Variants in COL14A1 observed in about 807,000 individuals in gnomAD.
COL14A1 encodes the protein collagen alpha-1(XIV) chain.
A neutral mutation model predicts 230.3 loss-of-function variants in COL14A1; 136 were observed. The observed-to-expected ratio is 0.59, with a 90% CI of 0.51 to 0.68. The LOEUF is 0.68. Among genes scored for constraint, COL14A1 ranks in the 30% least tolerant of loss-of-function variants. The probability of loss-of-function intolerance (pLI) is 0.00; values close to 1 mark genes in which losing one functional copy is unlikely to be tolerated. For synonymous variants in COL14A1, 792 were observed against 784.1 expected, an observed-to-expected ratio of 1.01 and a Z score of -0.17; for missense variants, 1,976 against 2,215.8, an observed-to-expected ratio of 0.89 and a Z score of 2.17.
intron 36 of COL14A1, among the ~76,000 whole-genome samples, chr8:120,308,907 T>G (rs1417680670): frequency 6.6e-6 from 1 of 152,198 alleles, no homozygotes; most frequent in Non-Finnish European, 1.5e-5. Context: ...AGCGAACTCT[T>G]GGCTCACAGA....
chr8:120,360,333 G>C (rs2130363038), intron 45 of COL14A1, among the ~76,000 whole-genome samples: 1 of 152,302 alleles, frequency 6.6e-6, no homozygotes, highest in Admixed American at 6.5e-5. Context: ...TAAGTAGGAG[G>C]TACTGAAGGT....
chr8:120,166,772 A>G (rs1424269407), intron 4 of COL14A1, among the ~76,000 whole-genome samples: 1 of 152,134 alleles, frequency 6.6e-6, no homozygotes, highest in Admixed American at 6.6e-5. Flanking sequence ...TGTTTCGTGA[A>G]TAGTAATAGA....
intron 42 of COL14A1, among the ~76,000 whole-genome samples, chr8:120,336,969 T>C (rs1163302583): frequency 2.6e-5 from 4 of 152,184 alleles, no homozygotes; most frequent in African/African-American, 7.2e-5. Flanking sequence ...ATTTCAACTA[T>C]TGATGTTTGT....
chr8:120,276,660 A>T (rs1216295229), intron 26 of COL14A1, among the ~76,000 whole-genome samples: 1 of 151,756 alleles, frequency 6.6e-6, no homozygotes, highest in Non-Finnish European at 1.5e-5. Flanking sequence ...TTCAAAGGAC[A>T]TGAACTCATC....
At chr8:120,350,790 A>C (rs1236104120) in intron 45 of COL14A1, among the ~76,000 whole-genome samples, 1 of 150,706 alleles carries the variant, frequency 6.6e-6, no homozygotes, top group African/African-American at 2.4e-5. Flanking sequence ...TAATAATGGG[A>C]GACTTTAACA....
intron 36 of COL14A1, among the ~76,000 whole-genome samples, chr8:120,307,381 G>C (rs1012321154): frequency 6.6e-6 from 1 of 152,120 alleles, no homozygotes; most frequent in Admixed American, 6.5e-5. Context: ...ATTCAATAAT[G>C]GTGCTGGGAC....
At chr8:120,353,684 C>T (rs1822859228) in intron 45 of COL14A1, among the ~76,000 whole-genome samples, 1 of 149,894 alleles carries the variant, frequency 6.7e-6, no homozygotes, top group Admixed American at 6.6e-5. Flanking sequence ...ATCAAAACCA[C>T]AATGAGATAC....
intron 1 of COL14A1, among the ~76,000 whole-genome samples, chr8:120,147,212 C>T (rs1194973916): frequency 6.6e-6 from 1 of 151,720 alleles, no homozygotes; most frequent in Middle Eastern, 3.4e-3. Context: ...TCATTGATAT[C>T]CCATTGAAAA....
rs192187598 is a variant in COL14A1, at chr8:120,342,219, A to T, written c.4822-161A>T. Among the ~76,000 whole-genome samples, 406 of 152,252 alleles carry T rather than the reference A, an allele frequency of 2.7e-3. 2 individuals carry two copies. Among genetic ancestry groups the T allele is most frequent in the African/African-American group, 9.4e-3 (390 of 41,536 alleles). On this transcript the variant is annotated intron_variant, in intron 43 of 47. Transcript: ENST00000297848. ...TTGAACCATGAATATCAAATTGCTTACCCCTTCTCTGCATGCACCGTGGTG... is the reference window on the plus strand; with the variant it reads ...TTGAACCATGAATATCAAATTGCTTTCCCCTTCTCTGCATGCACCGTGGTG...
chr8:120,178,437 T>C (rs1329873520), intron 5 of COL14A1, among the ~76,000 whole-genome samples: 1 of 152,242 alleles, frequency 6.6e-6, no homozygotes, highest in East Asian at 1.9e-4. Flanking sequence ...TAGTGTTCCA[T>C]GGTGTATATG....
chr8:120,247,523 G>A, intron 20 of COL14A1, 90 bp from the exon 21 acceptor site: 5 of 1,201,650 alleles, frequency 4.2e-6, no homozygotes, highest in Non-Finnish European at 5.7e-6. Context: ...AATTTTGTGG[G>A]AAGATGTCTT....
At chr8:120,290,623 G>C (rs1349363700) in intron 34 of COL14A1, among the ~76,000 whole-genome samples, 1 of 152,174 alleles carries the variant, frequency 6.6e-6, no homozygotes, top group African/African-American at 2.4e-5. Context: ...AGTTATACAA[G>C]AGCTGGTAGT....
In COL14A1 at chr8:120,312,832, T is replaced by G. The variant is rs566324007; in HGVS notation, c.4456-1100T>G. Reference sequence around the variant, plus strand: ...TCTGTATTCTTTGTCCCATGTAACGTGTTCACCAATCTCAGAGCTAAGATG... The same window carrying G: ...TCTGTATTCTTTGTCCCATGTAACGGGTTCACCAATCTCAGAGCTAAGATG... On this transcript the variant is annotated intron_variant, in intron 37 of 47. Coordinates refer to ENST00000297848, the MANE Select transcript of COL14A1 (RefSeq NM_021110.4). Among the ~76,000 whole-genome samples, 85 of 152,314 alleles carry G rather than the reference T, an allele frequency of 5.6e-4. 1 individual carries two copies. Among genetic ancestry groups the G allele is most frequent in the African/African-American group, 2.0e-3 (85 of 41,574 alleles).
At chr8:120,152,802 C>A in intron 2 of COL14A1, among the ~76,000 whole-genome samples, 1 of 152,054 alleles carries the variant, frequency 6.6e-6, no homozygotes, top group East Asian at 1.9e-4. Flanking sequence ...CTGGTTCTAG[C>A]GATGTTTGTT....
chr8:120,298,158 T>C (rs1360298172), intron 35 of COL14A1, among the ~76,000 whole-genome samples: 1 of 152,008 alleles, frequency 6.6e-6, no homozygotes, highest in East Asian at 1.9e-4. Flanking sequence ...CATAGTACTT[T>C]CCTTTCATCA....
chr8:120,191,324 G>C (rs1816816383), intron 5 of COL14A1, among the ~76,000 whole-genome samples: 1 of 152,180 alleles, frequency 6.6e-6, no homozygotes, highest in Non-Finnish European at 1.5e-5. Flanking sequence ...TTCAGGAGCA[G>C]GTTGTTCAGT....
At chr8:120,358,472 C>T (rs115926912) in intron 45 of COL14A1, among the ~76,000 whole-genome samples, 330 of 152,126 alleles carry the variant, frequency 2.2e-3, no homozygotes, top group African/African-American at 7.6e-3. Context: ...TTCTCATTCA[C>T]ACCTTGAGCC....
intron 35 of COL14A1, among the ~76,000 whole-genome samples, chr8:120,298,597 TTATATATATATA>T (rs59846403): frequency 0.014 from 784 of 57,980 alleles, 17 homozygotes; most frequent in Middle Eastern, 0.027. Flanking sequence ...CCCATATATT[TTATATATATATA>T]TATATATATA....
chr8:120,351,398 T>G (rs1822767727), intron 45 of COL14A1, among the ~76,000 whole-genome samples: 1 of 134,916 alleles, frequency 7.4e-6, no homozygotes, highest in Middle Eastern at 3.6e-3. Context: ...AGAGCAGAAC[T>G]GAAGGAAATA....
Sources: allele counts gnomAD v4.1 joint callset (sites outside exome capture counted in the v4.1 genomes callset), GRCh38; gene constraint gnomAD v4.1.1; transcripts MANE v1.5; gene names NCBI Gene and HGNC (gene_info 2026-07-23, HGNC 2026-07-21).